The following CLIP1 variants were observed in gnomAD, a reference collection of about 807,000 sequenced individuals.
The protein encoded by CLIP1 is CAP-Gly domain-containing linker protein 1.
A neutral mutation model predicts 161.6 loss-of-function variants in CLIP1; 66 were observed. The observed-to-expected ratio is 0.41, with a 90% CI of 0.33 to 0.50. The LOEUF (loss-of-function observed/expected upper bound fraction) is 0.50, where lower values mean the gene tolerates loss of function less well. Among genes scored for constraint, CLIP1 ranks in the 20% least tolerant of loss-of-function variants. The pLI is 0.27. For missense variants in CLIP1, 1,376 were observed against 1,702.0 expected, an observed-to-expected ratio of 0.81 and a Z score of 3.37; for synonymous variants, 598 against 626.2, an observed-to-expected ratio of 0.96 and a Z score of 0.67.
rs1272436134 is a variant in CLIP1 at position 122,346,829 on chromosome 12, G to A, written c.1506+546C>T. Reference sequence around the variant, plus strand: ...CCACTGAGGTTTCAATCCCCCGAGCGACAGGAAGGAGGGAGATGCAGAGAT... The same window carrying A: ...CCACTGAGGTTTCAATCCCCCGAGCAACAGGAAGGAGGGAGATGCAGAGAT... On this transcript the variant is annotated intron_variant, in intron 10 of 25. Transcript: ENST00000620786. Among the ~76,000 whole-genome samples, 11 of 152,270 alleles carry A rather than the reference G, an allele frequency of 7.2e-5. No individual in the cohort carries two copies. In the South Asian group the frequency reaches 1.0e-3, roughly 14 times the overall value.
intron 9 of CLIP1, among the ~76,000 whole-genome samples, chr12:122,350,374 C>G (rs1483952986): frequency 6.6e-6 from 1 of 152,124 alleles, no homozygotes; most frequent in Non-Finnish European, 1.5e-5. Flanking sequence ...CTCTGGAGAC[C>G]ACATAGCAAG....
intron 17 of CLIP1, among the ~76,000 whole-genome samples, chr12:122,319,971 TA>T (rs1951421038): frequency 6.6e-6 from 1 of 152,104 alleles, no homozygotes; most frequent in East Asian, 1.9e-4. Context: ...CTATCAAAAT[TA>T]ATTATAAAAA....
chr12:122,335,015 C>A (rs114123136), intron 12 of CLIP1, among the ~76,000 whole-genome samples: 1 of 152,130 alleles, frequency 6.6e-6, no homozygotes, highest in African/African-American at 2.4e-5. Flanking sequence ...ATAGGGTGCA[C>A]GTGCATGCTT....
In CLIP1 at chr12:122,299,612, C is replaced by CAAAAAAAAAAAAAAAAAAAAAAAAAAAA. The variant is rs71082962; in HGVS notation, c.3594+10149_3594+10150insTTTTTTTTTTTTTTTTTTTTTTTTTTTT. ...TTTTGTTTTTAAAGAATAAATTCAG[C>CAAAAAAAAAAAAAAAAAAAAAAAAAAAA]AAAAAAAAAAAAAAAAAAAAGATGC... is the stretch of plus-strand genomic sequence containing the variant. On this transcript the variant is annotated intron_variant, in intron 20 of 25. Coordinates refer to ENST00000620786, the MANE Select transcript of CLIP1 (RefSeq NM_001247997.2). 8.0e-5 allele frequency among the ~76,000 whole-genome samples: 5 copies of CAAAAAAAAAAAAAAAAAAAAAAAAAAAA among 62,498 alleles called. 1 individual carries two copies. Among genetic ancestry groups the CAAAAAAAAAAAAAAAAAAAAAAAAAAAA allele is most frequent in the African/African-American group, 2.8e-4 (4 of 14,326 alleles). The allele number at this position is 62,498 out of a possible 152,430, so 41.0% of individuals were successfully genotyped here. A position where few individuals can be genotyped will look rare whatever the true frequency, so the allele number is the denominator to read the frequency against.
rs139790813 is a variant in CLIP1, at chr12:122,387,590, A to ATTTTTT, written c.-106-7038_-106-7033dup. ...TATATATATATATATATATATATAT[A>ATTTTTT]TTTTTTTTTTTTTTTTTTTTTTTTT... On this transcript the variant is annotated intron_variant, in intron 1 of 25. Transcript: ENST00000620786. Among the ~76,000 whole-genome samples, 61 of 6,252 alleles carry ATTTTTT rather than the reference A, an allele frequency of 9.8e-3. 2 individuals carry two copies. Among genetic ancestry groups the ATTTTTT allele is most frequent in the Middle Eastern group, 0.12 (1 of 8 alleles). 4.1% of individuals were successfully genotyped at this position (6,252 alleles called of 152,430 possible).
chr12:122,346,209 T>A (rs1190832265), intron 10 of CLIP1, among the ~76,000 whole-genome samples: 1 of 152,222 alleles, frequency 6.6e-6, no homozygotes, highest in Non-Finnish European at 1.5e-5. Flanking sequence ...TATTACTATT[T>A]GCTGTTTTAT....
intron 15 of CLIP1, among the ~76,000 whole-genome samples, chr12:122,331,731 A>G (rs1027740219): frequency 6.6e-6 from 1 of 152,180 alleles, no homozygotes; most frequent in African/African-American, 2.4e-5. Context: ...ACGGTGACTC[A>G]TGCCTGTAAT....
chr12:122,376,297 C>G (rs1954728631), intron 3 of CLIP1, among the ~76,000 whole-genome samples: 1 of 152,050 alleles, frequency 6.6e-6, no homozygotes, highest in African/African-American at 2.4e-5. Flanking sequence ...AAGTGATCCT[C>G]CCACCTTGGC....
At chr12:122,419,066 A>G (rs1161033628) in intron 1 of CLIP1, among the ~76,000 whole-genome samples, 1 of 152,100 alleles carries the variant, frequency 6.6e-6, no homozygotes, top group Non-Finnish European at 1.5e-5. Context: ...TATGAACCTT[A>G]TATTTTCAAT....
chr12:122,283,375 AAAAAAAC>A (rs1020640086), intron 21 of CLIP1, among the ~76,000 whole-genome samples: 2 of 152,096 alleles, frequency 1.3e-5, no homozygotes, highest in Non-Finnish European at 2.9e-5. Flanking sequence ...TTAAAGTTAC[AAAAAAAC>A]AAAAAACAAA....
intron 1 of CLIP1, among the ~76,000 whole-genome samples, chr12:122,394,298 C>T (rs977087877): frequency 4.0e-5 from 6 of 151,646 alleles, no homozygotes; most frequent in African/African-American, 1.5e-4. Context: ...ACCAGCCTGG[C>T]CAACATGGTG....
At chr12:122,360,800 A>G (rs1953743337) in intron 5 of CLIP1, 159 bp downstream of exon 5, 1 of 603,308 alleles carries the variant, frequency 1.7e-6, no homozygotes, top group Admixed American at 3.4e-5. Context: ...CTGGAGTTAC[A>G]TTTTTCAAAA....
intron 3 of CLIP1, among the ~76,000 whole-genome samples, chr12:122,366,258 G>C (rs923543139): frequency 1.7e-4 from 25 of 146,376 alleles, no homozygotes; most frequent in Admixed American, 1.2e-3. Flanking sequence ...AATGATCCAA[G>C]ATCACACCAC....
At chr12:122,364,731 T>C (rs2136628970) in intron 3 of CLIP1, 3 of 590,542 alleles carry the variant, frequency 5.1e-6, no homozygotes, top group Non-Finnish European at 9.7e-6. Context: ...AACAGAAATG[T>C]TCCTGCTTCG....
intron 20 of CLIP1, among the ~76,000 whole-genome samples, chr12:122,292,910 G>A (rs1276707569): frequency 6.6e-6 from 1 of 151,140 alleles, no homozygotes; most frequent in Non-Finnish European, 1.5e-5. Flanking sequence ...GGCTGAGGCA[G>A]GAGAATGGCA....
At chr12:122,374,996 C>T (rs1299795113) in intron 3 of CLIP1, among the ~76,000 whole-genome samples, 1 of 152,038 alleles carries the variant, frequency 6.6e-6, no homozygotes, top group African/African-American at 2.4e-5. Flanking sequence ...TCAAATTGTC[C>T]AAGAACCTGA....
chr12:122,335,259 G>A (rs961213057), intron 12 of CLIP1, among the ~76,000 whole-genome samples: 7 of 152,168 alleles, frequency 4.6e-5, no homozygotes, highest in East Asian at 1.9e-4. Flanking sequence ...GATGAACTTC[G>A]AGCTAGCTAC....
intron 24 of CLIP1, chr12:122,274,732 G>C (rs1204004709): frequency 2.0e-5 from 3 of 152,380 alleles, no homozygotes; most frequent in African/African-American, 7.2e-5. Context: ...TAGAGACGGG[G>C]TTTTGCCATG....
intron 18 of CLIP1, among the ~76,000 whole-genome samples, chr12:122,318,675 GTAT>G (rs1951362135): frequency 6.6e-6 from 1 of 152,196 alleles, no homozygotes; most frequent in Admixed American, 6.5e-5. Flanking sequence ...GAAAGGGTTG[GTAT>G]GAGCTAGGAG....
Sources: allele counts gnomAD v4.1 joint callset (sites outside exome capture counted in the v4.1 genomes callset), GRCh38; gene constraint gnomAD v4.1.1; transcripts MANE v1.5; gene names NCBI Gene and HGNC (gene_info 2026-07-23, HGNC 2026-07-21).